The following TRPC4AP variants were observed in gnomAD, a reference collection of about 807,000 sequenced individuals.
TRPC4AP encodes the protein short transient receptor potential channel 4-associated protein.
Under a neutral mutation model 99.0 loss-of-function variants are expected in TRPC4AP, and 45 were observed. That is an observed-to-expected ratio of 0.45 (90% CI 0.36 to 0.58). The LOEUF is 0.58. Ranked by LOEUF, TRPC4AP falls within the 20% of genes least tolerant of loss-of-function variation. The pLI, the probability that TRPC4AP is intolerant of heterozygous loss-of-function variation, is 0.00. For missense variants in TRPC4AP, 879 were observed against 985.3 expected, an observed-to-expected ratio of 0.89 and a Z score of 1.44; for synonymous variants, 408 against 385.8, an observed-to-expected ratio of 1.06 and a Z score of -0.67.
intron 2 of TRPC4AP, among the ~76,000 whole-genome samples, chr20:35,074,641 G>A (rs570197534): frequency 6.6e-6 from 1 of 152,292 alleles, no homozygotes; most frequent in South Asian, 2.1e-4. Flanking sequence ...GAGACAGTTT[G>A]TTATAATTTC....
At chr20:35,084,178 T>C (rs1479364858) in intron 1 of TRPC4AP, among the ~76,000 whole-genome samples, 2 of 151,142 alleles carry the variant, frequency 1.3e-5, no homozygotes, top group Non-Finnish European at 2.9e-5. Flanking sequence ...GGCGGGCACC[T>C]GTAATCCCAG....
intron 4 of TRPC4AP, among the ~76,000 whole-genome samples, chr20:35,055,367 G>GT (rs2083800796): frequency 6.6e-6 from 1 of 151,506 alleles, no homozygotes; most frequent in Admixed American, 6.6e-5. Flanking sequence ...TGTTTTTTTT[G>GT]TTTTTTGTGT....
chr20:35,058,833 T>C (rs2083906705), intron 3 of TRPC4AP, among the ~76,000 whole-genome samples: 1 of 151,606 alleles, frequency 6.6e-6, no homozygotes, highest in African/African-American at 2.4e-5. Context: ...GGATTACAGG[T>C]GCCTGCCACC....
rs1419152835 is a variant in TRPC4AP at position 35,005,729 on chromosome 20, G to C, written c.1902C>G (p.Ser634=). 6.2e-7 allele frequency: 1 copy of C among 1,614,180 alleles called. No homozygotes were observed. The highest frequency in any genetic ancestry group is 8.5e-7 in the Non-Finnish European group (1 of 1,180,012). Residue 634 remains serine, a synonymous_variant, in exon 16 of 19, where the codon TCC becomes TCG. Transcript: ENST00000252015. ...SNMLVRCVTL[S]LDRFENQVDM... ...CCACCTGGTTTTCAAATCGGTCCAGGGACAGAGTGACACAGCGCACCAGCA... is the reference window on the plus strand; with the variant it reads ...CCACCTGGTTTTCAAATCGGTCCAGCGACAGAGTGACACAGCGCACCAGCA...
intron 7 of TRPC4AP, among the ~76,000 whole-genome samples, chr20:35,038,204 C>T (rs116421189): frequency 3.0e-3 from 451 of 150,792 alleles, no homozygotes; most frequent in Middle Eastern, 6.8e-3. Flanking sequence ...CACTTTAAGA[C>T]GGCTAATTTT....
chr20:35,012,295 A>C (rs2082656361), intron 11 of TRPC4AP, among the ~76,000 whole-genome samples: 1 of 152,242 alleles, frequency 6.6e-6, no homozygotes, highest in Non-Finnish European at 1.5e-5. Context: ...CAACATTTAA[A>C]ATCAGGACCT....
intron 9 of TRPC4AP, among the ~76,000 whole-genome samples, chr20:35,018,312 C>G (rs1222352978): frequency 1.3e-5 from 2 of 152,096 alleles, no homozygotes; most frequent in Non-Finnish European, 2.9e-5. Context: ...ACCAGCTTCT[C>G]GGCCGGGCAT....
intron 1 of TRPC4AP, among the ~76,000 whole-genome samples, chr20:35,091,415 C>G (rs954215985): frequency 3.3e-5 from 5 of 152,110 alleles, no homozygotes; most frequent in African/African-American, 1.2e-4. Flanking sequence ...TTATTTTATT[C>G]TATCCTTTTC....
chr20:35,088,088 T>C (rs911866960), intron 1 of TRPC4AP, among the ~76,000 whole-genome samples: 5 of 152,222 alleles, frequency 3.3e-5, no homozygotes, highest in African/African-American at 7.2e-5. Flanking sequence ...TCCGTCAGCG[T>C]ATAGAGCAGT....
At chr20:35,087,455 A>G (rs1403356238) in intron 1 of TRPC4AP, among the ~76,000 whole-genome samples, 1 of 152,186 alleles carries the variant, frequency 6.6e-6, no homozygotes, top group African/African-American at 2.4e-5. Context: ...TGGGAAATAT[A>G]ACAGCATCCC....
At chr20:35,052,087 GTTTTTTTTTGGT>G (rs1250397189) in intron 5 of TRPC4AP, among the ~76,000 whole-genome samples, 1 of 146,300 alleles carries the variant, frequency 6.8e-6, no homozygotes, top group Non-Finnish European at 1.5e-5. Flanking sequence ...TTCATCATAG[GTTTTTTTTTGGT>G]TTTTTTTTTT....
In TRPC4AP at chr20:35,049,923, A is replaced by T. The variant is rs1449516161; in HGVS notation, c.600T>A (p.Ser200Arg). The T allele has an allele frequency of 6.2e-7, 1 of 1,614,164 alleles. No homozygotes were observed. Residue 200 changes from serine (S) to arginine (R), a missense_variant, in exon 6 of 19, where the codon AGT (serine) becomes AGA (arginine). By Grantham distance (110) the Ser-to-Arg change is moderately radical. Coordinates refer to ENST00000252015, the MANE Select transcript of TRPC4AP (RefSeq NM_015638.3). ...FVIFLFTLMT[S>R]KKTFLQTATL... Reference sequence around the variant, plus strand: ...TTGCTGTTTGTAAGAATGTCTTCTTACTTGTCATCAATGTAAACAGGAAGA... The same window carrying T: ...TTGCTGTTTGTAAGAATGTCTTCTTTCTTGTCATCAATGTAAACAGGAAGA...
In TRPC4AP at chr20:35,033,960, A is replaced by G. The variant is rs1244669503; in HGVS notation, c.1051+1163T>C. The stretch of plus-strand genomic sequence containing the variant: ...GGAGATCGAGACCATCCTGGCTAAC[A>G]AGGTGAAACCCCGTCTCTACTAAAA... On this transcript the variant is annotated intron_variant, in intron 8 of 18. Coordinates refer to ENST00000252015, the MANE Select transcript of TRPC4AP (RefSeq NM_015638.3). Among the ~76,000 whole-genome samples the G allele has an allele frequency of 7.1e-5, 2 of 28,030 alleles. 1 individual carries two copies. Among genetic ancestry groups the G allele is most frequent in the African/African-American group, 2.2e-4 (2 of 9,232 alleles). 18.4% of individuals were successfully genotyped at this position (28,030 alleles called of 152,430 possible).
chr20:35,066,806 T>TA (rs1320944747), intron 3 of TRPC4AP, among the ~76,000 whole-genome samples: 2 of 151,580 alleles, frequency 1.3e-5, no homozygotes, highest in Non-Finnish European at 2.9e-5. Context: ...CTCAAAATAG[T>TA]AAAAAAACAC....
intron 2 of TRPC4AP, among the ~76,000 whole-genome samples, chr20:35,075,012 G>C (rs183637277): frequency 1.3e-5 from 2 of 152,090 alleles, no homozygotes; most frequent in African/African-American, 4.8e-5. Context: ...TTACCATTAT[G>C]TAATGGCCTT....
At chr20:35,083,126 T>C (rs1252078806) in intron 1 of TRPC4AP, among the ~76,000 whole-genome samples, 1 of 152,152 alleles carries the variant, frequency 6.6e-6, no homozygotes, top group Non-Finnish European at 1.5e-5. Flanking sequence ...CAAAAGAACC[T>C]AAATGTAAAT....
At position 35,003,066 on chromosome 20, in the gene TRPC4AP, CG is replaced by C; in HGVS notation, c.*79del. On this transcript the variant is annotated 3_prime_UTR_variant, in exon 19 of 19. Coordinates refer to ENST00000252015, the MANE Select transcript of TRPC4AP (RefSeq NM_015638.3). ...GCAGGCAGAGAGCAGCAGGGAGGAA[CG>C]GGAACAGGGCAGGGCGTGTGGCATC... The C allele has an allele frequency of 2.6e-6, 4 of 1,568,160 alleles. No individual in the cohort carries two copies. Among genetic ancestry groups the C allele is most frequent in the East Asian group, 2.2e-5 (1 of 44,460 alleles).
chr20:35,039,079 A>T (rs150082447), intron 7 of TRPC4AP, among the ~76,000 whole-genome samples: 10 of 152,374 alleles, frequency 6.6e-5, no homozygotes, highest in Admixed American at 6.5e-5. Context: ...TCTCAAAATA[A>T]AACAAAGCAA....
intron 2 of TRPC4AP, among the ~76,000 whole-genome samples, chr20:35,077,419 C>G (rs1450808275): frequency 6.6e-6 from 1 of 152,208 alleles, no homozygotes; most frequent in African/African-American, 2.4e-5. Flanking sequence ...TGGGTTTTAA[C>G]TGCATTAGAG....
Sources: gnomAD v4.1 joint callset for allele counts (sites outside exome capture counted in the v4.1 genomes callset) on GRCh38, gnomAD v4.1.1 for gene constraint, MANE v1.5 for transcripts, NCBI Gene and HGNC (gene_info 2026-07-23, HGNC 2026-07-21) for gene names.